ADGRB3: variants seen among roughly 807,000 people sequenced by gnomAD.
The protein encoded by ADGRB3 is brain-specific angiogenesis inhibitor 3.
Under a neutral mutation model 193.4 loss-of-function variants are expected in ADGRB3, and 37 were observed. The observed-to-expected ratio is 0.19, with a 90% CI of 0.15 to 0.25. The LOEUF (loss-of-function observed/expected upper bound fraction) is 0.25. Among genes scored for constraint, ADGRB3 ranks in the 10% least tolerant of loss-of-function variants. The pLI is 1.00. For synonymous variants in ADGRB3, 690 were observed against 644.2 expected, an observed-to-expected ratio of 1.07 and a Z score of -1.08; for missense variants, 1,637 against 1,852.9, an observed-to-expected ratio of 0.88 and a Z score of 2.14.
intron 3 of ADGRB3, among the ~76,000 whole-genome samples, chr6:68,730,729 T>A (rs1765757964): frequency 6.6e-6 from 1 of 151,680 alleles, no homozygotes; most frequent in Non-Finnish European, 1.5e-5. Context: ...ACAACTCAGT[T>A]ATAAAGAGAT....
At chr6:68,700,465 G>A (rs953376330) in intron 3 of ADGRB3, among the ~76,000 whole-genome samples, 1 of 152,042 alleles carries the variant, frequency 6.6e-6, no homozygotes, top group African/African-American at 2.4e-5. Flanking sequence ...GATTTGGAAA[G>A]TATAAATGAG....
At chr6:68,841,302 T>C (rs1768154682) in intron 3 of ADGRB3, among the ~76,000 whole-genome samples, 1 of 152,148 alleles carries the variant, frequency 6.6e-6, no homozygotes, top group Non-Finnish European at 1.5e-5. Flanking sequence ...GAATGCACAT[T>C]CTTTTCCTCA....
At chr6:68,867,600 G>A (rs750133695) in intron 3 of ADGRB3, among the ~76,000 whole-genome samples, 1 of 152,114 alleles carries the variant, frequency 6.6e-6, no homozygotes, top group Non-Finnish European at 1.5e-5. Flanking sequence ...TAGGTCCACA[G>A]ACAGTTTGTA....
chr6:68,876,525 T>C (rs1765599758), intron 3 of ADGRB3, among the ~76,000 whole-genome samples: 2 of 152,206 alleles, frequency 1.3e-5, no homozygotes, highest in South Asian at 4.1e-4. Flanking sequence ...AAAGGATTGC[T>C]AGATTGTGTG....
chr6:69,191,986 A>G (rs1765198408), intron 17 of ADGRB3, among the ~76,000 whole-genome samples: 1 of 152,166 alleles, frequency 6.6e-6, no homozygotes, highest in Non-Finnish European at 1.5e-5. Flanking sequence ...TTGGAAGGCA[A>G]GGTCCTGGTG....
chr6:69,354,857 A>G (rs1008309895), intron 27 of ADGRB3, among the ~76,000 whole-genome samples: 1 of 152,204 alleles, frequency 6.6e-6, no homozygotes, highest in African/African-American at 2.4e-5. Flanking sequence ...GTTATTGTAC[A>G]TGAGCTCTGG....
At chr6:69,126,903 CT>C (rs985562085) in intron 17 of ADGRB3, among the ~76,000 whole-genome samples, 2 of 152,190 alleles carry the variant, frequency 1.3e-5, no homozygotes, top group African/African-American at 4.8e-5. Flanking sequence ...TTAAAGGACT[CT>C]TTTTCTCCTC....
At chr6:68,712,695 G>A (rs1167694016) in intron 3 of ADGRB3, among the ~76,000 whole-genome samples, 2 of 151,860 alleles carry the variant, frequency 1.3e-5, no homozygotes. Context: ...CATGGATGTT[G>A]AGACCAGTTG....
At chr6:69,374,758 C>T (rs1211996862) in intron 30 of ADGRB3, among the ~76,000 whole-genome samples, 1 of 151,976 alleles carries the variant, frequency 6.6e-6, no homozygotes, top group African/African-American at 2.4e-5. Flanking sequence ...TCCAGAGATC[C>T]TAGTACCTAG....
intron 20 of ADGRB3, among the ~76,000 whole-genome samples, chr6:69,304,585 A>G (rs1039305819): frequency 6.6e-6 from 1 of 151,558 alleles, no homozygotes; most frequent in Non-Finnish European, 1.5e-5. Flanking sequence ...CTTCTTTGAC[A>G]GTTATATTTT....
intron 6 of ADGRB3, among the ~76,000 whole-genome samples, chr6:68,949,620 C>G (rs1361551163): frequency 6.6e-6 from 1 of 152,084 alleles, no homozygotes; most frequent in Non-Finnish European, 1.5e-5. Context: ...GTTCAAAGGT[C>G]CCTGATTGTG....
chr6:69,188,395 A>G (rs141798577), intron 17 of ADGRB3, among the ~76,000 whole-genome samples: 1 of 151,658 alleles, frequency 6.6e-6, no homozygotes, highest in African/African-American at 2.4e-5. Flanking sequence ...TGCAACCTCC[A>G]CCTCCTGGGT....
At chr6:69,124,768 A>G in intron 17 of ADGRB3, among the ~76,000 whole-genome samples, 1 of 152,178 alleles carries the variant, frequency 6.6e-6, no homozygotes, top group East Asian at 1.9e-4. Context: ...GCTATCAAAT[A>G]TCATGAGGAA....
At chr6:69,154,732 C>T (rs546565145) in intron 17 of ADGRB3, among the ~76,000 whole-genome samples, 52 of 152,276 alleles carry the variant, frequency 3.4e-4, no homozygotes, top group African/African-American at 1.3e-3. Context: ...TTGATTTCCC[C>T]AGTCTTCACA....
At chr6:68,772,962 AT>A (rs61060134) in intron 3 of ADGRB3, among the ~76,000 whole-genome samples, 3,614 of 137,836 alleles carry the variant, frequency 0.026, 329 homozygotes, top group African/African-American at 0.096. Flanking sequence ...AAAAATAAAA[AT>A]AAAATAGACA....
intron 3 of ADGRB3, among the ~76,000 whole-genome samples, chr6:68,844,015 T>C (rs1768222157): frequency 6.6e-6 from 1 of 152,102 alleles, no homozygotes; most frequent in African/African-American, 2.4e-5. Context: ...TATACAAATA[T>C]CAAATGCAAA....
intron 17 of ADGRB3, among the ~76,000 whole-genome samples, chr6:69,152,022 C>A (rs1224247679): frequency 6.6e-6 from 1 of 152,160 alleles, no homozygotes; most frequent in East Asian, 1.9e-4. Context: ...TCCCCTTCTG[C>A]CATGATTGTA....
At chr6:69,291,731 A>G (rs1251910524) in intron 20 of ADGRB3, among the ~76,000 whole-genome samples, 3 of 152,198 alleles carry the variant, frequency 2.0e-5, no homozygotes, top group African/African-American at 4.8e-5. Context: ...GAAGGGGTTC[A>G]GGATACACTA....
chr6:68,714,382 C>G (rs1348512873), intron 3 of ADGRB3, among the ~76,000 whole-genome samples: 1 of 151,558 alleles, frequency 6.6e-6, no homozygotes, highest in East Asian at 1.9e-4. Context: ...TTTTTGTCAC[C>G]ATATGGTGAC....
Sources: gnomAD v4.1 joint callset for allele counts (sites outside exome capture counted in the v4.1 genomes callset) on GRCh38, gnomAD v4.1.1 for gene constraint, MANE v1.5 for transcripts, NCBI Gene and HGNC (gene_info 2026-07-23, HGNC 2026-07-21) for gene names.